Variants in LDLRAD4 observed in about 807,000 individuals in gnomAD.
LDLRAD4 encodes low-density lipoprotein receptor class A domain-containing protein 4.
Under a neutral mutation model 17.0 loss-of-function variants are expected in LDLRAD4, and 5 were observed. The observed-to-expected ratio is 0.29, with a 90% CI of 0.15 to 0.62. LDLRAD4 has a LOEUF of 0.62. Ranked by LOEUF, LDLRAD4 falls within the 20% of genes least tolerant of loss-of-function variation. The pLI is 0.84. For synonymous variants in LDLRAD4, 168 were observed against 171.8 expected, an observed-to-expected ratio of 0.98 and a Z score of 0.17; for missense variants, 340 against 424.7, an observed-to-expected ratio of 0.80 and a Z score of 1.75.
intron 3 of LDLRAD4, among the ~76,000 whole-genome samples, chr18:13,448,991 A>G (rs2091616431): frequency 6.6e-6 from 1 of 152,152 alleles, no homozygotes; most frequent in Admixed American, 6.5e-5. Context: ...TGCAGTAATC[A>G]TTTTTTCACT....
At chr18:13,457,287 T>C (rs2092191217) in intron 3 of LDLRAD4, among the ~76,000 whole-genome samples, 1 of 152,200 alleles carries the variant, frequency 6.6e-6, no homozygotes, top group South Asian at 2.1e-4. Context: ...TCCAAGGATA[T>C]TGCAAAGGAC....
intron 3 of LDLRAD4, among the ~76,000 whole-genome samples, chr18:13,503,082 C>G (rs1195866753): frequency 6.6e-6 from 1 of 152,204 alleles, no homozygotes; most frequent in Non-Finnish European, 1.5e-5. Flanking sequence ...TGAATTCTGT[C>G]TCTTGTGGTT....
At chr18:13,223,977 C>G (rs191058566) in intron 1 of LDLRAD4, among the ~76,000 whole-genome samples, 12 of 152,322 alleles carry the variant, frequency 7.9e-5, no homozygotes, top group Non-Finnish European at 1.6e-4. Context: ...CACTTACTGG[C>G]AGGGTGCCAT....
intron 1 of LDLRAD4, among the ~76,000 whole-genome samples, chr18:13,291,839 TGACTGGGTATACCAAGCAGA>T (rs2045980445): frequency 6.6e-6 from 1 of 152,196 alleles, no homozygotes; most frequent in Non-Finnish European, 1.5e-5. Context: ...TGCTTAAGAT[TGACTGGGTATACCAAGCAGA>T]GGTCCCAGCA....
intron 3 of LDLRAD4, among the ~76,000 whole-genome samples, chr18:13,442,868 T>C (rs1338377007): frequency 1.8e-4 from 28 of 152,212 alleles, no homozygotes; most frequent in Admixed American, 1.8e-3. Flanking sequence ...TTCTCACCAC[T>C]GGACCTTAAG....
chr18:13,547,849 CCTT>C (rs2148031674), intron 3 of LDLRAD4, among the ~76,000 whole-genome samples: 1 of 152,326 alleles, frequency 6.6e-6, no homozygotes, highest in East Asian at 1.9e-4. Context: ...TCTCTTCTCT[CCTT>C]CTTGTCACCC....
In LDLRAD4 at chr18:13,248,256, C is replaced by T. The variant is rs149840824; in HGVS notation, c.-467+29268C>T. Among the ~76,000 whole-genome samples, 30 of 152,366 alleles carry T rather than the reference C, an allele frequency of 2.0e-4. No individual in the cohort carries two copies. The East Asian group carries it at 2.7e-3, about 14-fold the overall frequency. On this transcript the variant is annotated intron_variant, in intron 1 of 5. Transcript: ENST00000399848. ...GACTACAGGCGCGAGCCACCGCGCC[C>T]GGCCATAGCCCCACTTTTTTGAGCT...
intron 3 of LDLRAD4, chr18:13,459,960 C>T (rs1182831412): frequency 1.3e-5 from 2 of 154,008 alleles, no homozygotes; most frequent in Non-Finnish European, 2.9e-5. Flanking sequence ...CATACCCTGG[C>T]TCCAGCCCTG....
At chr18:13,284,771 C>G (rs2045514888) in intron 1 of LDLRAD4, among the ~76,000 whole-genome samples, 3 of 152,216 alleles carry the variant, frequency 2.0e-5, no homozygotes, top group African/African-American at 7.2e-5. Flanking sequence ...CTTCCTGCCC[C>G]TGCTCGAGGC....
chr18:13,407,422 A>C (rs529019440), intron 2 of LDLRAD4, among the ~76,000 whole-genome samples: 1 of 152,376 alleles, frequency 6.6e-6, no homozygotes, highest in East Asian at 1.9e-4. Context: ...CTATGTTAGC[A>C]CCGCAGTTGG....
intron 1 of LDLRAD4, among the ~76,000 whole-genome samples, chr18:13,224,474 C>CTTTCTT (rs1555621213): frequency 2.3e-5 from 2 of 87,880 alleles, no homozygotes; most frequent in Admixed American, 1.6e-4. Context: ...TTCTTTCTTT[C>CTTTCTT]TTTTTTTTTT....
rs1599124666 is a variant in LDLRAD4 at position 13,285,718 on chromosome 18, T to G, written c.-383+7530T>G. On this transcript the variant is annotated intron_variant, in intron 1 of 5. Transcript: ENST00000359446. ...GGGCTGTCCACATTTTTCCATGTCT[T>G]TCTTGAAACTCGGGGGTTGTGGTAG... 1.3e-5 allele frequency among the ~76,000 whole-genome samples: 2 copies of G among 152,204 alleles called. 1 individual carries two copies. Among genetic ancestry groups the G allele is most frequent in the Middle Eastern group, 6.8e-3 (2 of 294 alleles).
rs1335108475 is a variant in LDLRAD4, at chr18:13,511,740, G to T, written c.181+73356G>T. ...GGCGGGGACATGGGTACAGGTGCCG[G>T]AACAGCCCCAGCATTGGTTCTCCCT... is the stretch of plus-strand genomic sequence containing the variant. On this transcript the variant is annotated intron_variant, in intron 3 of 5. Coordinates refer to ENST00000359446, the Ensembl canonical transcript of LDLRAD4. 3.3e-5 allele frequency among the ~76,000 whole-genome samples: 5 copies of T among 152,280 alleles called. No homozygotes were observed. In the East Asian group the frequency reaches 7.7e-4, roughly 24 times the overall value.
At chr18:13,325,603 C>G (rs1220655796) in intron 1 of LDLRAD4, among the ~76,000 whole-genome samples, 1 of 152,224 alleles carries the variant, frequency 6.6e-6, no homozygotes, top group Non-Finnish European at 1.5e-5. Context: ...CCTCTACTCT[C>G]CCTCTCCGCG....
chr18:13,276,073 A>G (rs1160567257), upstream of LDLRAD4, among the ~76,000 whole-genome samples: 1 of 152,048 alleles, frequency 6.6e-6, no homozygotes, highest in Non-Finnish European at 1.5e-5. Context: ...CAGTGGGTCG[A>G]TCTTGGCTCA....
chr18:13,393,448 G>A (rs975194192), intron 2 of LDLRAD4, among the ~76,000 whole-genome samples: 2 of 152,102 alleles, frequency 1.3e-5, no homozygotes, highest in Non-Finnish European at 1.5e-5. Flanking sequence ...CTCATAGCAC[G>A]CACTCTGGAG....
At chr18:13,393,297 G>A (rs2086415400) in intron 2 of LDLRAD4, among the ~76,000 whole-genome samples, 1 of 152,200 alleles carries the variant, frequency 6.6e-6, no homozygotes, top group African/African-American at 2.4e-5. Context: ...ACTTAAATCA[G>A]TTTCTTTACT....
At chr18:13,299,314 C>T (rs1185105696) in intron 1 of LDLRAD4, among the ~76,000 whole-genome samples, 3 of 152,166 alleles carry the variant, frequency 2.0e-5, no homozygotes, top group South Asian at 2.1e-4. Flanking sequence ...CTTTGTTTAG[C>T]GGTTTGGTTT....
chr18:13,619,557 A>G (rs939606426), intron 3 of LDLRAD4, among the ~76,000 whole-genome samples: 7 of 150,428 alleles, frequency 4.7e-5, no homozygotes, highest in East Asian at 3.9e-4. Context: ...GGCAGCTCCA[A>G]TGGACATTTC....
Sources: gnomAD v4.1 joint callset for allele counts (sites outside exome capture counted in the v4.1 genomes callset) on GRCh38, gnomAD v4.1.1 for gene constraint, MANE v1.5 for transcripts, NCBI Gene and HGNC (gene_info 2026-07-23, HGNC 2026-07-21) for gene names.